Variants in FOXP1 observed in about 807,000 individuals in gnomAD.
FOXP1 encodes the protein forkhead box protein P1.
In FOXP1, 15 loss-of-function variants were observed where a neutral mutation model predicts 98.2. The ratio of observed to expected loss-of-function variants is 0.15; its 90% CI spans 0.10 to 0.24. The LOEUF (loss-of-function observed/expected upper bound fraction) is 0.24, where lower values mean the gene tolerates loss of function less well. FOXP1 is among the 10% of genes least tolerant of loss of function. The probability of loss-of-function intolerance (pLI) is 1.00; values close to 1 mark genes in which losing one functional copy is unlikely to be tolerated. For synonymous variants in FOXP1, 371 were observed against 314.5 expected, an observed-to-expected ratio of 1.18 and a Z score of -1.90; for missense variants, 633 against 848.5, an observed-to-expected ratio of 0.75 and a Z score of 3.15.
intron 6 of FOXP1, among the ~76,000 whole-genome samples, chr3:71,184,800 C>T (rs1030968500): frequency 2.7e-5 from 4 of 150,118 alleles, no homozygotes; most frequent in Admixed American, 6.6e-5. Flanking sequence ...AAATTGCAAT[C>T]GCAAAATTAC....
chr3:71,276,081 A>C (rs1266095844), intron 5 of FOXP1: 1 of 152,246 alleles, frequency 6.6e-6, no homozygotes, highest in Non-Finnish European at 1.5e-5. Context: ...AATGATTAAA[A>C]AGAAATCAGG....
intron 3 of FOXP1, among the ~76,000 whole-genome samples, chr3:71,385,421 C>T (rs2080493821): frequency 6.6e-6 from 1 of 152,034 alleles, no homozygotes; most frequent in Non-Finnish European, 1.5e-5. Context: ...CAAAGTAAAC[C>T]CCATTTTCCC....
At chr3:71,025,612 G>T (rs2046011541) in intron 11 of FOXP1, among the ~76,000 whole-genome samples, 1 of 152,212 alleles carries the variant, frequency 6.6e-6, no homozygotes, top group Non-Finnish European at 1.5e-5. Context: ...ATGCAAGGCT[G>T]TATTTCTTTT....
At chr3:71,125,027 G>GT (rs1258664042) in intron 6 of FOXP1, among the ~76,000 whole-genome samples, 4 of 152,210 alleles carry the variant, frequency 2.6e-5, no homozygotes, top group African/African-American at 9.6e-5. Flanking sequence ...TGACATGCAG[G>GT]TGAGAATCCT....
At chr3:71,199,633 G>C (rs145656562) in intron 5 of FOXP1, among the ~76,000 whole-genome samples, 2 of 151,596 alleles carry the variant, frequency 1.3e-5, no homozygotes, top group African/African-American at 2.4e-5. Flanking sequence ...CCAGCTACTC[G>C]GGAAGCTGAG....
intron 5 of FOXP1, among the ~76,000 whole-genome samples, chr3:71,209,670 A>G (rs949015046): frequency 6.6e-6 from 1 of 152,228 alleles, no homozygotes; most frequent in Non-Finnish European, 1.5e-5. Context: ...AGTGTTAAGA[A>G]GAAACGTTTA....
chr3:71,540,236 G>A (rs1372585035), intron 2 of FOXP1, among the ~76,000 whole-genome samples: 1 of 152,202 alleles, frequency 6.6e-6, no homozygotes, highest in Non-Finnish European at 1.5e-5. Context: ...AATGTCACTA[G>A]ACAAGGAAGA....
At chr3:71,371,179 G>A (rs954577051) in intron 3 of FOXP1, among the ~76,000 whole-genome samples, 3 of 152,152 alleles carry the variant, frequency 2.0e-5, no homozygotes, top group African/African-American at 7.2e-5. Flanking sequence ...CACTGCTGCT[G>A]GTTCAGGCGC....
At chr3:71,403,523 A>C (rs1376884648) in intron 3 of FOXP1, among the ~76,000 whole-genome samples, 1 of 152,236 alleles carries the variant, frequency 6.6e-6, no homozygotes, top group African/African-American at 2.4e-5. Context: ...CCTCATGTTT[A>C]TAGGAAAGAG....
At chr3:71,025,346 A>T (rs374437884) in intron 11 of FOXP1, among the ~76,000 whole-genome samples, 2 of 152,244 alleles carry the variant, frequency 1.3e-5, no homozygotes, top group South Asian at 4.2e-4. Flanking sequence ...GTGGCGCACG[A>T]CTATGCATGT....
intron 3 of FOXP1, among the ~76,000 whole-genome samples, chr3:71,486,759 C>T (rs1029232455): frequency 6.6e-6 from 1 of 152,160 alleles, no homozygotes; most frequent in South Asian, 2.1e-4. Flanking sequence ...ATTTCCTTCT[C>T]TTTGCTTCTG....
intron 20 of FOXP1, among the ~76,000 whole-genome samples, chr3:70,960,050 G>C (rs1444663507): frequency 6.6e-6 from 1 of 152,158 alleles, no homozygotes; most frequent in Admixed American, 6.5e-5. Flanking sequence ...GTTCTGCTTT[G>C]CTAGTTAACA....
intron 3 of FOXP1, among the ~76,000 whole-genome samples, chr3:71,485,637 C>T (rs576420547): frequency 3.3e-5 from 5 of 152,138 alleles, no homozygotes; most frequent in South Asian, 2.1e-4. Flanking sequence ...GGTGTGATGG[C>T]GTGTACCTTT....
At chr3:71,467,087 T>C (rs2088839224) in intron 3 of FOXP1, among the ~76,000 whole-genome samples, 1 of 152,072 alleles carries the variant, frequency 6.6e-6, no homozygotes, top group Non-Finnish European at 1.5e-5. Flanking sequence ...GTTGCGAGCT[T>C]GAGAAAAAGG....
chr3:71,381,438 T>TG (rs2080170188), intron 3 of FOXP1, among the ~76,000 whole-genome samples: 1 of 23,356 alleles, frequency 4.3e-5, no homozygotes, highest in African/African-American at 2.4e-4. Flanking sequence ...GCGCCTGGCC[T>TG]TTTTTTTTTT....
At chr3:70,964,214 A>T (rs997709934) in intron 20 of FOXP1, among the ~76,000 whole-genome samples, 1 of 151,628 alleles carries the variant, frequency 6.6e-6, no homozygotes, top group Admixed American at 6.6e-5. Context: ...GTTTCTTGTA[A>T]AAAATAGTTG....
chr3:71,062,461 A>G (rs1256217092), intron 7 of FOXP1, among the ~76,000 whole-genome samples: 1 of 152,186 alleles, frequency 6.6e-6, no homozygotes, highest in Non-Finnish European at 1.5e-5. Context: ...ATTACATGTC[A>G]TGAGATCATT....
intron 6 of FOXP1, among the ~76,000 whole-genome samples, chr3:71,150,825 C>T (rs185763889): frequency 7.2e-5 from 11 of 152,024 alleles, no homozygotes; most frequent in Admixed American, 2.0e-4. Flanking sequence ...TGTGGCATGG[C>T]GGTGTTTTGT....
chr3:71,154,188 T>A (rs1276931213), intron 6 of FOXP1, among the ~76,000 whole-genome samples: 2 of 152,148 alleles, frequency 1.3e-5, no homozygotes, highest in Non-Finnish European at 2.9e-5. Flanking sequence ...AGTTAATATA[T>A]CCATCACCTC....
Sources: gnomAD v4.1 joint callset for allele counts (sites outside exome capture counted in the v4.1 genomes callset) on GRCh38, gnomAD v4.1.1 for gene constraint, MANE v1.5 for transcripts, NCBI Gene and HGNC (gene_info 2026-07-23, HGNC 2026-07-21) for gene names.